The following CHST9 variants were observed in gnomAD, a reference collection of about 807,000 sequenced individuals.
CHST9 encodes carbohydrate sulfotransferase 9.
Under a neutral mutation model 44.4 loss-of-function variants are expected in CHST9, and 41 were observed. The ratio of observed to expected loss-of-function variants is 0.92; its 90% confidence interval spans 0.72 to 1.20. CHST9 has a LOEUF of 1.20. Among genes scored for constraint, CHST9 ranks in the 50% most tolerant of loss-of-function variants. CHST9 has a pLI of 0.00. For synonymous variants in CHST9, 171 were observed against 178.4 expected (o/e 0.96, Z 0.33); for missense variants, 504 against 516.5 (o/e 0.98, Z 0.23).
chr18:26,982,109 A>G (rs1275118212), intron 4 of CHST9, among the ~76,000 whole-genome samples: 1 of 152,190 alleles, frequency 6.6e-6, no homozygotes, highest in East Asian at 1.9e-4. Flanking sequence ...GCAGAGTAAA[A>G]AAGACCCATG....
intron 5 of CHST9, among the ~76,000 whole-genome samples, chr18:26,927,115 T>G (rs1303421601): frequency 6.6e-6 from 1 of 152,202 alleles, no homozygotes; most frequent in East Asian, 1.9e-4. Context: ...GACACCTTGT[T>G]CTAAAGTATA....
intron 4 of CHST9, among the ~76,000 whole-genome samples, chr18:26,949,230 A>T (rs1342229097): frequency 1.3e-5 from 2 of 152,188 alleles, no homozygotes; most frequent in African/African-American, 4.8e-5. Context: ...CGCCAGGAGC[A>T]GGTGGTATTT....
chr18:27,092,457 C>T (rs1031215770), intron 2 of CHST9, among the ~76,000 whole-genome samples: 9 of 151,922 alleles, frequency 5.9e-5, no homozygotes, highest in Non-Finnish European at 1.2e-4. Flanking sequence ...CAGTTCTGCT[C>T]TGATCTTAAT....
At chr18:27,173,179 T>C (rs2058845421) in intron 1 of CHST9, among the ~76,000 whole-genome samples, 2 of 152,232 alleles carry the variant, frequency 1.3e-5, no homozygotes, top group Admixed American at 6.5e-5. Flanking sequence ...TGGATATTTG[T>C]TGACTAAATC....
At chr18:27,094,354 T>C in intron 2 of CHST9, among the ~76,000 whole-genome samples, 1 of 152,192 alleles carries the variant, frequency 6.6e-6, no homozygotes, top group Non-Finnish European at 1.5e-5. Context: ...GTGTTTTATA[T>C]ATACAAAATA....
intron 4 of CHST9, among the ~76,000 whole-genome samples, chr18:26,954,823 CTATAATG>C (rs1191710701): frequency 2.0e-5 from 3 of 152,048 alleles, no homozygotes; most frequent in African/African-American, 7.2e-5. Flanking sequence ...GTTTCCTATT[CTATAATG>C]TAAGCTCCTT....
chr18:27,099,514 A>C (rs2058150066), intron 2 of CHST9, among the ~76,000 whole-genome samples: 2 of 152,126 alleles, frequency 1.3e-5, no homozygotes, highest in African/African-American at 4.8e-5. Flanking sequence ...GAACAAAACA[A>C]ACAAAAAACA....
intron 2 of CHST9, among the ~76,000 whole-genome samples, chr18:27,064,048 TAC>T (rs1339928055): frequency 6.6e-6 from 1 of 152,160 alleles, no homozygotes; most frequent in Non-Finnish European, 1.5e-5. Context: ...ATGGGCTATA[TAC>T]AGAGACTTTT....
chr18:26,916,333 T>C lies in CHST9; in HGVS notation c.1258A>G (p.Thr420Ala), dbSNP rs757330342. The C allele has an allele frequency of 3.1e-6, 5 of 1,611,924 alleles. No homozygotes were observed. The highest frequency in any genetic ancestry group is 3.4e-6 in the Non-Finnish European group (4 of 1,178,080). The part of the protein sequence containing the change: ...VRQYLKDLTR[T>A]ERQLIYDFYY... ...AAGTCATAGATTAATTGTCTCTCAG[T>C]TCTAGTCAGATCCTTTAAATACTGT... is the stretch of plus-strand genomic sequence containing the variant. The change falls in exon 6 of 6, where the codon ACT becomes GCT. Residue 420 changes from threonine to alanine, a missense_variant. Coordinates refer to ENST00000618847, the MANE Select transcript of CHST9 (RefSeq NM_031422.6).
At chr18:26,963,352 A>T (rs948394611) in intron 4 of CHST9, among the ~76,000 whole-genome samples, 1 of 152,104 alleles carries the variant, frequency 6.6e-6, no homozygotes, top group Non-Finnish European at 1.5e-5. Flanking sequence ...GCTTGGCAGG[A>T]TCTCCAAACT....
intron 4 of CHST9, among the ~76,000 whole-genome samples, chr18:27,017,992 G>T (rs1598642958): frequency 6.6e-6 from 1 of 152,188 alleles, no homozygotes; most frequent in East Asian, 1.9e-4. Context: ...AATTTATTGT[G>T]AAGTTCAAAA....
At chr18:27,140,412 C>T (rs1217974646) in intron 2 of CHST9, among the ~76,000 whole-genome samples, 1 of 152,190 alleles carries the variant, frequency 6.6e-6, no homozygotes, top group Non-Finnish European at 1.5e-5. Flanking sequence ...ATTTGGTAAA[C>T]TACATTTTAT....
rs200977632 is a variant in CHST9, at chr18:27,149,085, A to G, written c.-96-6180T>C. Among the ~76,000 whole-genome samples, 62 of 127,506 alleles carry G rather than the reference A, an allele frequency of 4.9e-4. 13 individuals carry two copies. The highest frequency in any genetic ancestry group is 9.9e-4 in the Non-Finnish European group (57 of 57,864). The allele number at this position is 127,506 out of a possible 152,430, so 83.6% of individuals were successfully genotyped here. A position where few individuals can be genotyped will look rare whatever the true frequency, so the allele number is the denominator to read the frequency against. On this transcript the variant is annotated intron_variant, in intron 1 of 5. Transcript: ENST00000618847. Reference sequence around the variant, plus strand: ...TGAGAAGTGTCTGTTCATATCCTTCACCCACTTTTTGATGGGGTTGTTTGT... The same window carrying G: ...TGAGAAGTGTCTGTTCATATCCTTCGCCCACTTTTTGATGGGGTTGTTTGT...
intron 1 of CHST9, among the ~76,000 whole-genome samples, chr18:27,158,825 T>A (rs1450785112): frequency 6.6e-6 from 1 of 151,990 alleles, no homozygotes; most frequent in Admixed American, 6.6e-5. Context: ...TATCTCATTG[T>A]GGTTTTGATT....
At chr18:26,973,923 G>A (rs1206862672) in intron 4 of CHST9, among the ~76,000 whole-genome samples, 1 of 152,270 alleles carries the variant, frequency 6.6e-6, no homozygotes, top group East Asian at 1.9e-4. Flanking sequence ...TCTCTAATTA[G>A]ATCCTCATTA....
rs2055403695 is a variant in CHST9 at position 26,908,867 on chromosome 18, C to G, written c.*7392G>C. 6.6e-6 allele frequency: 1 copy of G among 152,106 alleles called. No individual in the cohort carries two copies. Among genetic ancestry groups the G allele is most frequent in the Non-Finnish European group, 1.5e-5 (1 of 68,024 alleles). The allele number at this position is 152,106 out of a possible 1,614,324, so 9.4% of individuals were successfully genotyped here. ...GGGCACTTGCTCTCAAACTAATAACCAAATAGCAAATATTTTCCATTTTCA... is the reference window on the plus strand; with the variant it reads ...GGGCACTTGCTCTCAAACTAATAACGAAATAGCAAATATTTTCCATTTTCA... On this transcript the variant is annotated 3_prime_UTR_variant, in exon 6 of 6. Coordinates refer to ENST00000618847, the MANE Select transcript of CHST9 (RefSeq NM_031422.6).
intron 5 of CHST9, among the ~76,000 whole-genome samples, chr18:26,941,908 C>T (rs1001388174): frequency 1.1e-4 from 17 of 152,180 alleles, no homozygotes; most frequent in African/African-American, 2.7e-4. Context: ...AGAGCTTCCC[C>T]TCCACTCCTG....
intron 2 of CHST9, among the ~76,000 whole-genome samples, chr18:27,103,871 C>G (rs75070301): frequency 0.019 from 2,912 of 152,172 alleles, 81 homozygotes; most frequent in African/African-American, 0.065. Flanking sequence ...GTAAAGAGTA[C>G]AGAGAAGCAA....
At chr18:26,989,047 A>T (rs1188182926) in intron 4 of CHST9, among the ~76,000 whole-genome samples, 2 of 152,128 alleles carry the variant, frequency 1.3e-5, no homozygotes, top group East Asian at 3.9e-4. Context: ...AAAAAAAGAA[A>T]AGTCTCAAGT....
Sources: gnomAD v4.1 joint callset for allele counts (sites outside exome capture counted in the v4.1 genomes callset) on GRCh38, gnomAD v4.1.1 for gene constraint, MANE v1.5 for transcripts, NCBI Gene and HGNC (gene_info 2026-07-23, HGNC 2026-07-21) for gene names.